FYN: variants seen among roughly 807,000 people sequenced by gnomAD.
FYN encodes FYN proto-oncogene, Src family tyrosine kinase.
FYN carries 10 observed loss-of-function variants against 70.2 expected under a neutral mutation model. That is an observed-to-expected ratio of 0.14 (90% CI 0.09 to 0.24). FYN has a LOEUF of 0.24. Among genes scored for constraint, FYN ranks in the 10% least tolerant of loss-of-function variants. The pLI, the probability that FYN is intolerant of heterozygous loss-of-function variation, is 1.00. For synonymous variants in FYN, 236 were observed against 248.6 expected (o/e 0.95, Z 0.48); for missense variants, 319 against 673.1 (o/e 0.47, Z 5.82).
intron 2 of FYN, among the ~76,000 whole-genome samples, chr6:111,800,131 A>C (rs1047171307): frequency 6.6e-6 from 1 of 152,202 alleles, no homozygotes; most frequent in African/African-American, 2.4e-5. Context: ...TGGATTCTCT[A>C]TTACGGGTTT....
At chr6:111,703,847 T>C in intron 7 of FYN, 152 bp downstream of exon 7, 1 of 625,128 alleles carries the variant, frequency 1.6e-6, no homozygotes, top group Non-Finnish European at 2.8e-6. Context: ...TTTTAGAGCC[T>C]GGAGGGAAGA....
intron 3 of FYN, chr6:111,741,056 A>T (rs1424522105): frequency 6.6e-6 from 1 of 151,530 alleles, no homozygotes; most frequent in Non-Finnish European, 1.5e-5. Flanking sequence ...GATTGTAGTG[A>T]GCCATGATCG....
At chr6:111,846,034 C>T (rs1773517303) in intron 2 of FYN, among the ~76,000 whole-genome samples, 1 of 152,188 alleles carries the variant, frequency 6.6e-6, no homozygotes, top group South Asian at 2.1e-4. Flanking sequence ...CAGTCACATT[C>T]ACTTTTGTCT....
intron 1 of FYN, among the ~76,000 whole-genome samples, chr6:111,872,215 C>G (rs970771622): frequency 6.6e-6 from 1 of 152,016 alleles, no homozygotes; most frequent in African/African-American, 2.4e-5. Context: ...TGGCCCAGTC[C>G]CCTCCGCCTG....
intron 4 of FYN, among the ~76,000 whole-genome samples, chr6:111,715,367 T>C (rs1193630469): frequency 6.6e-6 from 1 of 152,000 alleles, no homozygotes; most frequent in East Asian, 1.9e-4. Context: ...AGGTGTGACC[T>C]ACTGTGCCCA....
intron 5 of FYN, among the ~76,000 whole-genome samples, chr6:111,711,457 C>A (rs1008356407): frequency 6.6e-6 from 1 of 152,198 alleles, no homozygotes; most frequent in African/African-American, 2.4e-5. Flanking sequence ...TAATAATGTC[C>A]TAATACATGA....
rs563238904 is a variant in FYN at position 111,717,752 on chromosome 6, C to T, written c.247+2053G>A. ...GTGCTGGGATTACAGGCATGAGCTACTGCACCCGGCCAGAGTCCACCTTTT... is the reference window on the plus strand; with the variant it reads ...GTGCTGGGATTACAGGCATGAGCTATTGCACCCGGCCAGAGTCCACCTTTT... On this transcript the variant is annotated intron_variant, in intron 4 of 13. Coordinates refer to ENST00000354650, the MANE Select transcript of FYN (RefSeq NM_002037.5). Among the ~76,000 whole-genome samples the T allele has an allele frequency of 2.5e-4, 38 of 152,324 alleles. No individual in the cohort carries two copies. The South Asian group carries it at 7.9e-3, about 32-fold the overall frequency.
chr6:111,728,780 C>G (rs186204226), intron 3 of FYN, among the ~76,000 whole-genome samples: 2 of 152,228 alleles, frequency 1.3e-5, no homozygotes, highest in African/African-American at 4.8e-5. Context: ...CGTTTTGGCT[C>G]TTATGAATAA....
chr6:111,781,524 C>T (rs1421267749), intron 2 of FYN, among the ~76,000 whole-genome samples: 2 of 152,170 alleles, frequency 1.3e-5, no homozygotes, highest in African/African-American at 2.4e-5. Context: ...CTATGACCTG[C>T]GAATTTACCT....
At chr6:111,698,437 G>C (rs1265498393) in intron 9 of FYN, among the ~76,000 whole-genome samples, 1 of 152,120 alleles carries the variant, frequency 6.6e-6, no homozygotes, top group East Asian at 1.9e-4. Flanking sequence ...CCGGCCACCT[G>C]TATTAACTCT....
At chr6:111,671,077 T>C (rs1798244384) in intron 13 of FYN, among the ~76,000 whole-genome samples, 1 of 152,344 alleles carries the variant, frequency 6.6e-6, no homozygotes, top group African/African-American at 2.4e-5. Context: ...TCTTTGGAAC[T>C]GCATCCATAC....
At chr6:111,804,883 C>T (rs1413154143) in intron 2 of FYN, among the ~76,000 whole-genome samples, 1 of 152,180 alleles carries the variant, frequency 6.6e-6, no homozygotes, top group Non-Finnish European at 1.5e-5. Flanking sequence ...CTGGTCATTT[C>T]TCCTGTGATT....
intron 1 of FYN, among the ~76,000 whole-genome samples, chr6:111,851,351 C>T (rs1773680970): frequency 6.6e-6 from 1 of 152,200 alleles, no homozygotes; most frequent in African/African-American, 2.4e-5. Flanking sequence ...TATGAAACCC[C>T]TGTTATGATA....
chr6:111,859,406 T>C (rs2114514563), intron 1 of FYN, among the ~76,000 whole-genome samples: 1 of 152,214 alleles, frequency 6.6e-6, no homozygotes, highest in East Asian at 1.9e-4. Context: ...CCATATTTTT[T>C]ATCCATCTAT....
intron 2 of FYN, among the ~76,000 whole-genome samples, chr6:111,805,212 A>G (rs1029921366): frequency 1.3e-5 from 2 of 152,154 alleles, no homozygotes; most frequent in Non-Finnish European, 2.9e-5. Context: ...GAGGCTGGCA[A>G]CCACAACCCC....
chr6:111,847,534 C>T (rs1773566208), intron 1 of FYN, among the ~76,000 whole-genome samples: 1 of 152,106 alleles, frequency 6.6e-6, no homozygotes, highest in Admixed American at 6.5e-5. Context: ...TGAAAAAAGG[C>T]AGGAACAATT....
chr6:111,727,595 T>C (rs964689996), intron 3 of FYN, among the ~76,000 whole-genome samples: 3 of 152,134 alleles, frequency 2.0e-5, no homozygotes, highest in Admixed American at 6.5e-5. Flanking sequence ...ATGCAGACAC[T>C]AGCCACATGC....
intron 3 of FYN, among the ~76,000 whole-genome samples, chr6:111,732,244 A>G (rs969689304): frequency 2.0e-5 from 3 of 152,248 alleles, no homozygotes; most frequent in Non-Finnish European, 4.4e-5. Flanking sequence ...AAGCAATTTA[A>G]TAGTGACTTT....
At chr6:111,728,475 AC>A (rs1435788183) in intron 3 of FYN, among the ~76,000 whole-genome samples, 1 of 152,090 alleles carries the variant, frequency 6.6e-6, no homozygotes, top group Non-Finnish European at 1.5e-5. Flanking sequence ...CCAGAAAGAA[AC>A]CCATGCCCAT....
Sources: allele counts gnomAD v4.1 joint callset (sites outside exome capture counted in the v4.1 genomes callset), GRCh38; gene constraint gnomAD v4.1.1; transcripts MANE v1.5; gene names NCBI Gene and HGNC (gene_info 2026-07-23, HGNC 2026-07-21).